The following HIPK3 variants were observed in gnomAD, a reference collection of about 807,000 sequenced individuals.
HIPK3 encodes the protein homeodomain-interacting protein kinase 3.
A neutral mutation model predicts 124.2 loss-of-function variants in HIPK3; 47 were observed. That is an observed-to-expected ratio of 0.38 (90% confidence interval 0.30 to 0.48). HIPK3 has a LOEUF of 0.48. Among genes scored for constraint, HIPK3 ranks in the 20% least tolerant of loss-of-function variants. The pLI, the probability that HIPK3 is intolerant of heterozygous loss-of-function variation, is 0.98. For synonymous variants in HIPK3, 482 were observed against 515.2 expected, an observed-to-expected ratio of 0.94 and a Z score of 0.87; for missense variants, 1,286 against 1,454.3, an observed-to-expected ratio of 0.88 and a Z score of 1.88.
chr11:33,298,340 A>G (rs2031234123), intron 2 of HIPK3, among the ~76,000 whole-genome samples: 1 of 152,258 alleles, frequency 6.6e-6, no homozygotes, highest in Admixed American at 6.5e-5. Context: ...CAAAATATTT[A>G]TTACTACACA....
intron 1 of HIPK3, among the ~76,000 whole-genome samples, chr11:33,268,896 C>T (rs1851048886): frequency 6.6e-6 from 1 of 152,116 alleles, no homozygotes; most frequent in African/African-American, 2.4e-5. Flanking sequence ...ACCTCAACTT[C>T]CTAACCTATT....
intron 3 of HIPK3, among the ~76,000 whole-genome samples, chr11:33,332,744 T>C (rs266483): frequency 0.014 from 2,144 of 152,226 alleles, 58 homozygotes; most frequent in African/African-American, 0.049. Flanking sequence ...CTGGCCCAAA[T>C]AAGGGGACAT....
intron 2 of HIPK3, among the ~76,000 whole-genome samples, chr11:33,327,142 C>G (rs1433538755): frequency 1.3e-5 from 2 of 152,012 alleles, no homozygotes; most frequent in Non-Finnish European, 2.9e-5. Flanking sequence ...TGAGATCCCA[C>G]AAAATACTTA....
intron 1 of HIPK3, among the ~76,000 whole-genome samples, chr11:33,285,410 G>A (rs997744581): frequency 5.3e-5 from 8 of 152,024 alleles, no homozygotes; most frequent in African/African-American, 1.7e-4. Context: ...ATATAACTGG[G>A]TAGAAAGTCA....
At chr11:33,311,986 A>ACACACACACG (rs1852363027) in intron 2 of HIPK3, among the ~76,000 whole-genome samples, 1 of 148,836 alleles carries the variant, frequency 6.7e-6, no homozygotes, top group African/African-American at 2.5e-5. Flanking sequence ...ACACACACAC[A>ACACACACACG]CACACACACA....
intron 3 of HIPK3, among the ~76,000 whole-genome samples, chr11:33,331,396 C>T (rs1037684466): frequency 6.6e-6 from 1 of 152,040 alleles, no homozygotes; most frequent in African/African-American, 2.4e-5. Flanking sequence ...TTTTTTTAGA[C>T]AGGGTCTCAG....
rs140296161 is a variant in HIPK3, at chr11:33,355,781, A to G, written c.*2213A>G. ...GAAAATGAAGGACTTAATTTTCCCC[A>G]CAAGTTTCAGTGTTTTTAGTAATTA... On this transcript the variant is annotated 3_prime_UTR_variant, in exon 17 of 17. Transcript: ENST00000303296. 66 of 152,018 alleles carry G rather than the reference A, an allele frequency of 4.3e-4. No homozygotes were observed. Among genetic ancestry groups the G allele is most frequent in the African/African-American group, 1.5e-3 (63 of 41,558 alleles). 9.4% of individuals were successfully genotyped at this position (152,018 alleles called of 1,614,324 possible).
intron 2 of HIPK3, among the ~76,000 whole-genome samples, chr11:33,303,609 A>T (rs959168538): frequency 2.0e-5 from 3 of 152,184 alleles, no homozygotes; most frequent in African/African-American, 7.2e-5. Context: ...CATGGATTAG[A>T]TGTCCTTCCC....
At chr11:33,310,365 G>A (rs1852299583) in intron 2 of HIPK3, among the ~76,000 whole-genome samples, 1 of 151,184 alleles carries the variant, frequency 6.6e-6, no homozygotes, top group Admixed American at 6.6e-5. Flanking sequence ...GCGTACAGTG[G>A]CACCATCTTG....
At chr11:33,292,131 C>T (rs977702686) in intron 2 of HIPK3, among the ~76,000 whole-genome samples, 1 of 151,914 alleles carries the variant, frequency 6.6e-6, no homozygotes, top group Admixed American at 6.6e-5. Context: ...TTTCAAAGTG[C>T]CTTTCGTTAT....
chr11:33,261,156 AATAT>A (rs1386362302), intron 1 of HIPK3, among the ~76,000 whole-genome samples: 2 of 146,914 alleles, frequency 1.4e-5, no homozygotes, highest in East Asian at 3.9e-4. Flanking sequence ...ATATTATATA[AATAT>A]ATATAATACA....
At chr11:33,338,982 T>G in intron 5 of HIPK3, 139 bp downstream of exon 5, 1 of 544,766 alleles carries the variant, frequency 1.8e-6, no homozygotes, top group Non-Finnish European at 3.2e-6. Flanking sequence ...TGAAACTGAT[T>G]CTATTTTCAA....
chr11:33,326,734 C>T (rs1342036465), intron 2 of HIPK3, among the ~76,000 whole-genome samples: 1 of 151,272 alleles, frequency 6.6e-6, no homozygotes, highest in African/African-American at 2.4e-5. Context: ...TGCAGTGGCA[C>T]AATCTCAGCT....
intron 14 of HIPK3, among the ~76,000 whole-genome samples, chr11:33,351,107 T>C (rs1853645395): frequency 1.3e-5 from 2 of 152,136 alleles, no homozygotes; most frequent in Admixed American, 1.3e-4. Context: ...TGGGGCTCTG[T>C]CTAGGCCTTC....
intron 2 of HIPK3, among the ~76,000 whole-genome samples, chr11:33,298,892 G>C (rs1287791383): frequency 6.6e-6 from 1 of 152,112 alleles, no homozygotes; most frequent in African/African-American, 2.4e-5. Context: ...TGTTGCCCAG[G>C]CTGGAGTGCA....
intron 2 of HIPK3, among the ~76,000 whole-genome samples, chr11:33,302,779 T>C (rs1852044069): frequency 6.6e-6 from 1 of 152,230 alleles, no homozygotes. Flanking sequence ...CTTAATGCTA[T>C]TACTGATTTT....
chr11:33,314,849 C>A (rs1852451031), intron 2 of HIPK3, among the ~76,000 whole-genome samples: 1 of 152,112 alleles, frequency 6.6e-6, no homozygotes, highest in South Asian at 2.1e-4. Flanking sequence ...ACTGACGATA[C>A]ATTATAATTT....
chr11:33,297,093 T>G, intron 2 of HIPK3, among the ~76,000 whole-genome samples: 1 of 147,770 alleles, frequency 6.8e-6, no homozygotes, highest in Non-Finnish European at 1.5e-5. Flanking sequence ...TGGAAAAGAT[T>G]TTTTTTTTTT....
intron 2 of HIPK3, among the ~76,000 whole-genome samples, chr11:33,310,679 T>G (rs1021622685): frequency 6.6e-6 from 1 of 152,184 alleles, no homozygotes; most frequent in Non-Finnish European, 1.5e-5. Context: ...TAGCCACATC[T>G]CAGGTGCCCA....
Sources: allele counts gnomAD v4.1 joint callset (sites outside exome capture counted in the v4.1 genomes callset), GRCh38; gene constraint gnomAD v4.1.1; transcripts MANE v1.5; gene names NCBI Gene and HGNC (gene_info 2026-07-23, HGNC 2026-07-21).